Variants in CCDC68 observed in about 807,000 individuals in gnomAD.
The protein encoded by CCDC68 is coiled-coil domain containing 68.
A neutral mutation model predicts 47.1 loss-of-function variants in CCDC68; 45 were observed. The ratio of observed to expected loss-of-function variants is 0.96; its 90% confidence interval spans 0.75 to 1.23. The LOEUF (loss-of-function observed/expected upper bound fraction) is 1.23. CCDC68 is among the 50% of genes most tolerant of loss of function. CCDC68 has a pLI of 0.00. For missense variants in CCDC68, 353 were observed against 373.6 expected, an observed-to-expected ratio of 0.94 and a Z score of 0.45; for synonymous variants, 131 against 129.5, an observed-to-expected ratio of 1.01 and a Z score of -0.08.
At chr18:54,951,280 A>G (rs940955937) in intron 1 of CCDC68, among the ~76,000 whole-genome samples, 6 of 152,196 alleles carry the variant, frequency 3.9e-5, no homozygotes, top group African/African-American at 1.2e-4. Context: ...AAAACAGCTG[A>G]AAGCTTCAGC....
chr18:54,907,870 T>C lies in CCDC68; in HGVS notation c.874-8A>G. The C allele has an allele frequency of 6.6e-7, 1 of 1,524,822 alleles. No individual in the cohort carries two copies. The highest frequency in any genetic ancestry group is 9.1e-7 in the Non-Finnish European group (1 of 1,098,890). 94.5% of individuals were successfully genotyped at this position (1,524,822 alleles called of 1,614,324 possible). On this transcript the variant is annotated splice_polypyrimidine_tract_variant and splice_region_variant and intron_variant, in intron 10 of 11. Transcript: ENST00000591504. ...GGTTTTTAGTTCTTTATTCTAAAAT[T>C]GAAAAAAAATGCAGACGTCAAATAG... is the stretch of plus-strand genomic sequence containing the variant.
At chr18:54,940,623 A>G (rs984449974) in intron 4 of CCDC68, among the ~76,000 whole-genome samples, 152 of 152,322 alleles carry the variant, frequency 1.0e-3, no homozygotes, top group African/African-American at 3.6e-3. Context: ...TCAACTATCT[A>G]ACAAAGTCTT....
At position 54,925,280 on chromosome 18, in the gene CCDC68, AT is replaced by A. The variant is rs531317430; in HGVS notation, c.683+3519del. ...TATATCTCCTTGTCCTCATCATCTA[AT>A]TTTTTTCTAATTTAAGTAATCATAT... On this transcript the variant is annotated intron_variant, in intron 8 of 11. Coordinates refer to ENST00000591504, the MANE Select transcript of CCDC68 (RefSeq NM_025214.3). Among the ~76,000 whole-genome samples, 214 of 152,084 alleles carry A rather than the reference AT, an allele frequency of 1.4e-3. 1 individual carries two copies. The highest frequency in any genetic ancestry group is 4.9e-3 in the African/African-American group (204 of 41,490).
chr18:54,951,204 G>A (rs980641520), intron 1 of CCDC68, among the ~76,000 whole-genome samples: 4 of 151,878 alleles, frequency 2.6e-5, no homozygotes, highest in Non-Finnish European at 4.4e-5. Context: ...CACCGCGCCC[G>A]GCCCAGATGT....
chr18:54,933,519 G>C (rs183651325), intron 7 of CCDC68, among the ~76,000 whole-genome samples: 1 of 152,152 alleles, frequency 6.6e-6, no homozygotes, highest in African/African-American at 2.4e-5. Flanking sequence ...CAATTTATTC[G>C]TTTCCCAGAA....
chr18:54,930,263 A>G (rs1466335599), intron 7 of CCDC68, among the ~76,000 whole-genome samples: 1 of 152,184 alleles, frequency 6.6e-6, no homozygotes, highest in South Asian at 2.1e-4. Flanking sequence ...GTTAGTTACA[A>G]CATTTGACTT....
rs547623745 is a variant in CCDC68, at chr18:54,937,804, T to C, written c.345+153A>G. The stretch of plus-strand genomic sequence containing the variant: ...AAACAGTGAGATATGATTTGTGAAA[T>C]ATAAAAATGCTTCTCTATGTAAGTG... On this transcript the variant is annotated intron_variant, in intron 5 of 11. Coordinates refer to ENST00000591504, the MANE Select transcript of CCDC68 (RefSeq NM_025214.3). 3 of 472,046 alleles carry C rather than the reference T, an allele frequency of 6.4e-6. No homozygotes were observed. The South Asian group carries it at 1.9e-4, about 30-fold the overall frequency. The allele number at this position is 472,046 out of a possible 1,614,324, so 29.2% of individuals were successfully genotyped here. A position where few individuals can be genotyped will look rare whatever the true frequency, so the allele number is the denominator to read the frequency against.
At chr18:54,927,468 A>G (rs1252964305) in intron 8 of CCDC68, among the ~76,000 whole-genome samples, 1 of 152,212 alleles carries the variant, frequency 6.6e-6, no homozygotes, top group African/African-American at 2.4e-5. Flanking sequence ...AAAGGAAAAA[A>G]AAAATCAAGC....
intron 1 of CCDC68, among the ~76,000 whole-genome samples, chr18:54,949,153 C>G (rs2044573343): frequency 6.6e-6 from 1 of 152,148 alleles, no homozygotes; most frequent in Admixed American, 6.5e-5. Flanking sequence ...ATCACTAAAC[C>G]CAGCTAATTT....
intron 6 of CCDC68, among the ~76,000 whole-genome samples, chr18:54,936,241 A>ATAAC (rs1179455370): frequency 7.0e-6 from 1 of 143,020 alleles, no homozygotes; most frequent in East Asian, 2.0e-4. Flanking sequence ...TTTAAAAAAT[A>ATAAC]TATAGTTATA....
intron 10 of CCDC68, among the ~76,000 whole-genome samples, chr18:54,914,424 C>G (rs2043910117): frequency 6.6e-6 from 1 of 152,052 alleles, no homozygotes; most frequent in African/African-American, 2.4e-5. Context: ...TCGAGACCAG[C>G]CTGGCCAACA....
chr18:54,923,947 C>T lies in CCDC68; in HGVS notation c.684-4571G>A, dbSNP rs530762098. The stretch of plus-strand genomic sequence containing the variant: ...AGGCTGACCTCAAGTGATCTGCCCA[C>T]CTCAGCCTCCCAAAGTGCTGGGATT... On this transcript the variant is annotated intron_variant, in intron 8 of 11. Transcript: ENST00000591504. Among the ~76,000 whole-genome samples, 9 of 152,122 alleles carry T rather than the reference C, an allele frequency of 5.9e-5. No homozygotes were observed. In the East Asian group the frequency reaches 1.7e-3, roughly 30 times the overall value.
At chr18:54,920,130 A>G (rs1263433967) in intron 8 of CCDC68, among the ~76,000 whole-genome samples, 1 of 152,014 alleles carries the variant, frequency 6.6e-6, no homozygotes, top group Non-Finnish European at 1.5e-5. Context: ...ATGAAGCCAC[A>G]TGCACTGTGG....
At position 54,901,534 on chromosome 18, in the gene CCDC68, A is replaced by G. The variant is rs1282585052; in HGVS notation, c.*2824T>C. On this transcript the variant is annotated 3_prime_UTR_variant, in exon 12 of 12. Transcript: ENST00000591504. ...TTCATTTATGCATAATTTTAATATA[A>G]AAAGAAAACCAAACAATTCACACAA... The G allele has an allele frequency of 6.6e-6, 1 of 152,188 alleles. No individual in the cohort carries two copies. The highest frequency in any genetic ancestry group is 2.4e-5 in the African/African-American group (1 of 41,440). 9.4% of individuals were successfully genotyped at this position (152,188 alleles called of 1,614,324 possible).
At chr18:54,910,865 C>T (rs72928824) in intron 10 of CCDC68, among the ~76,000 whole-genome samples, 118 of 152,290 alleles carry the variant, frequency 7.7e-4, no homozygotes, top group African/African-American at 2.6e-3. Context: ...AGGGTGCCAA[C>T]AGCAGGGAGA....
chr18:54,908,631 T>C (rs1914153287), intron 10 of CCDC68, among the ~76,000 whole-genome samples: 1 of 152,154 alleles, frequency 6.6e-6, no homozygotes, highest in African/African-American at 2.4e-5. Context: ...TCTCCACAGA[T>C]TTAAAATGAG....
intron 10 of CCDC68, among the ~76,000 whole-genome samples, chr18:54,908,174 G>T (rs935140200): frequency 9.2e-5 from 14 of 152,118 alleles, no homozygotes; most frequent in African/African-American, 3.1e-4. Context: ...CAAATGAAAA[G>T]AACTTTTAAG....
chr18:54,926,665 G>A (rs371650782), intron 8 of CCDC68, among the ~76,000 whole-genome samples: 1 of 152,158 alleles, frequency 6.6e-6, no homozygotes, highest in African/African-American at 2.4e-5. Flanking sequence ...TTTGCTAGTC[G>A]TCACTCAGAG....
At chr18:54,918,145 G>A (rs1388346142) in intron 9 of CCDC68, 149 bp from the exon 10 acceptor site, 2 of 569,320 alleles carry the variant, frequency 3.5e-6, no homozygotes, top group Non-Finnish European at 6.1e-6. Context: ...GACTCAGCAG[G>A]CAACAGAAAA....
Sources: gnomAD v4.1 joint callset for allele counts (sites outside exome capture counted in the v4.1 genomes callset) on GRCh38, gnomAD v4.1.1 for gene constraint, MANE v1.5 for transcripts, NCBI Gene and HGNC (gene_info 2026-07-23, HGNC 2026-07-21) for gene names.